Variants in DRC11 observed in about 807,000 individuals in gnomAD.
The protein encoded by DRC11 is dynein regulatory complex subunit 11.
chr2:236,448,420 C>T, the DRC11 span, among the ~76,000 whole-genome samples: 21 of 152,174 alleles, frequency 1.4e-4, no homozygotes, highest in African/African-American at 2.2e-4. This position sits in a 1 kb window ranked among gnomAD's most constrained non-coding sequence, Gnocchi z 5.3. Flanking sequence ...CTCTGTCGCC[C>T]GGGCTGGAGT....
chr2:236,363,468 T>C, the DRC11 span, among the ~76,000 whole-genome samples: 1 of 152,166 alleles, frequency 6.6e-6, no homozygotes, highest in Non-Finnish European at 1.5e-5. The surrounding 1 kb of genome is among the most constrained non-coding windows in gnomAD (Gnocchi z 5.6). Context: ...TGATGCCAAT[T>C]ATTACAGTGA....
chr2:236,463,478 A>G, the DRC11 span, among the ~76,000 whole-genome samples: 2 of 152,206 alleles, frequency 1.3e-5, no homozygotes, highest in African/African-American at 4.8e-5. The surrounding 1 kb of genome is among the most constrained non-coding windows in gnomAD (Gnocchi z 5.0). Flanking sequence ...AAATGTAATC[A>G]ATTCTGAATT....
the DRC11 span, among the ~76,000 whole-genome samples, chr2:236,326,060 A>C: frequency 6.6e-6 from 1 of 151,988 alleles, no homozygotes; most frequent in East Asian, 1.9e-4. Context: ...TGATTTCCCA[A>C]TTGTTTCTTT....
At chr2:236,482,596 T>C in the DRC11 span, among the ~76,000 whole-genome samples, 2 of 152,196 alleles carry the variant, frequency 1.3e-5, no homozygotes, top group African/African-American at 4.8e-5. The surrounding 1 kb of genome is among the most constrained non-coding windows in gnomAD (Gnocchi z 4.5). Flanking sequence ...ACTTACCCCA[T>C]TTCACTAATT....
chr2:236,309,993 G>C, the DRC11 span, among the ~76,000 whole-genome samples: 2 of 152,250 alleles, frequency 1.3e-5, no homozygotes, highest in African/African-American at 2.4e-5. The surrounding 1 kb of genome is among the most constrained non-coding windows in gnomAD (Gnocchi z 5.7). Flanking sequence ...GCTCTCTGGT[G>C]CTGCCTGTGC....
the DRC11 span, among the ~76,000 whole-genome samples, chr2:236,391,715 G>A: frequency 1.8e-4 from 27 of 152,320 alleles, no homozygotes; most frequent in South Asian, 5.6e-3. The surrounding 1 kb of genome is among the most constrained non-coding windows in gnomAD (Gnocchi z 4.5). Context: ...TTCTATCAGT[G>A]GGGCTTGGGT....
At chr2:236,408,370 C>G in the DRC11 span, 12 of 755,626 alleles carry the variant, frequency 1.6e-5, no homozygotes, top group Admixed American at 5.2e-5. This position sits in a 1 kb window ranked among gnomAD's most constrained non-coding sequence, Gnocchi z 5.5. Context: ...CTTGGTGTGT[C>G]AATGACTTGT....
At chr2:236,450,314 CTTTTTTTTTTTT>C in the DRC11 span, among the ~76,000 whole-genome samples, 3 of 82,378 alleles carry the variant, frequency 3.6e-5, no homozygotes, top group African/African-American at 9.9e-5. Context: ...CTTTTCTTTT[CTTTTTTTTTTTT>C]TTTTTTTTTT....
chr2:236,372,188 C>A, the DRC11 span, among the ~76,000 whole-genome samples: 1 of 152,270 alleles, frequency 6.6e-6, no homozygotes, highest in South Asian at 2.1e-4. This position sits in a 1 kb window ranked among gnomAD's most constrained non-coding sequence, Gnocchi z 4.5. Flanking sequence ...ATACTGACTT[C>A]AGAAACAAAA....
At chr2:236,380,427 G>T in the DRC11 span, 2 of 621,372 alleles carry the variant, frequency 3.2e-6, no homozygotes, top group Non-Finnish European at 2.8e-6. This position sits in a 1 kb window ranked among gnomAD's most constrained non-coding sequence, Gnocchi z 4.9. Context: ...GGATTTGTAG[G>T]GACTTAGAGG....
the DRC11 span, among the ~76,000 whole-genome samples, chr2:236,470,732 T>A: frequency 6.6e-6 from 1 of 152,198 alleles, no homozygotes; most frequent in Non-Finnish European, 1.5e-5. This position sits in a 1 kb window ranked among gnomAD's most constrained non-coding sequence, Gnocchi z 5.1. Context: ...AAAAAGATAG[T>A]ACAGATAGCT....
At chr2:236,416,707 A>G in the DRC11 span, among the ~76,000 whole-genome samples, 1 of 110,398 alleles carries the variant, frequency 9.1e-6, no homozygotes, top group Non-Finnish European at 1.8e-5. Flanking sequence ...TTATTTATTT[A>G]CATATATATA....
At chr2:236,471,007 A>T in the DRC11 span, among the ~76,000 whole-genome samples, 1 of 152,216 alleles carries the variant, frequency 6.6e-6, no homozygotes, top group Non-Finnish European at 1.5e-5. This position sits in a 1 kb window ranked among gnomAD's most constrained non-coding sequence, Gnocchi z 4.6. Context: ...TTAAAAATAT[A>T]TTAAACACTT....
the DRC11 span, among the ~76,000 whole-genome samples, chr2:236,344,082 G>T: frequency 6.7e-6 from 1 of 149,572 alleles, no homozygotes. Flanking sequence ...TGGAGGAGGG[G>T]GACCATTGAA....
the DRC11 span, among the ~76,000 whole-genome samples, chr2:236,348,634 G>A: frequency 1.1e-4 from 17 of 152,284 alleles, 1 homozygote; most frequent in East Asian, 2.3e-3. The surrounding 1 kb of genome is among the most constrained non-coding windows in gnomAD (Gnocchi z 7.4). Flanking sequence ...GGATCACTAG[G>A]GGAGCTTTGG....
chr2:236,370,652 T>C, the DRC11 span, among the ~76,000 whole-genome samples: 378 of 152,154 alleles, frequency 2.5e-3, 1 homozygote, highest in African/African-American at 8.6e-3. The surrounding 1 kb of genome is among the most constrained non-coding windows in gnomAD (Gnocchi z 5.5). Flanking sequence ...CTTGGTAGTA[T>C]AGGGGTTGTG....
chr2:236,399,778 A>ACTTT, the DRC11 span, among the ~76,000 whole-genome samples: 8 of 152,076 alleles, frequency 5.3e-5, no homozygotes, highest in Admixed American at 1.3e-4. This position sits in a 1 kb window ranked among gnomAD's most constrained non-coding sequence, Gnocchi z 7.0. Flanking sequence ...TGATTAAAAA[A>ACTTT]CTTTCTTTCT....
chr2:236,320,398 C>T, the DRC11 span, among the ~76,000 whole-genome samples: 667 of 152,304 alleles, frequency 4.4e-3, 4 homozygotes, highest in African/African-American at 0.015. Flanking sequence ...TCACGTCAGT[C>T]CTGTGAAACA....
chr2:236,405,366 T>C, the DRC11 span, among the ~76,000 whole-genome samples: 4 of 151,706 alleles, frequency 2.6e-5, no homozygotes, highest in Non-Finnish European at 5.9e-5. This position sits in a 1 kb window ranked among gnomAD's most constrained non-coding sequence, Gnocchi z 4.6. Context: ...CAGCATGCCA[T>C]GATCTGTGGT....
Sources: gnomAD v4.1 joint callset for allele counts (sites outside exome capture counted in the v4.1 genomes callset) on GRCh38, gnomAD v4.1.1 for gene constraint, Gnocchi (gnomAD v3.1) non-coding constraint, MANE v1.5 for transcripts, NCBI Gene and HGNC (gene_info 2026-07-23, HGNC 2026-07-21) for gene names.